The following SETDB2 variants were observed in gnomAD, a reference collection of about 807,000 sequenced individuals.
SETDB2 encodes the protein SET domain bifurcated histone lysine methyltransferase 2.
A neutral mutation model predicts 82.5 loss-of-function variants in SETDB2; 56 were observed. That is an observed-to-expected ratio of 0.68 (90% CI 0.55 to 0.85). The LOEUF (loss-of-function observed/expected upper bound fraction) is 0.85, where lower values mean the gene tolerates loss of function less well. Ranked by LOEUF, SETDB2 falls within the 40% of genes least tolerant of loss-of-function variation. The probability of loss-of-function intolerance (pLI) is 0.00; values close to 1 mark genes in which losing one functional copy is unlikely to be tolerated. For synonymous variants in SETDB2, 272 were observed against 284.9 expected, an observed-to-expected ratio of 0.95 and a Z score of 0.46; for missense variants, 677 against 816.4, an observed-to-expected ratio of 0.83 and a Z score of 2.08.
intron 2 of SETDB2, among the ~76,000 whole-genome samples, chr13:49,452,556 T>C (rs1278290725): frequency 6.6e-6 from 1 of 152,190 alleles, no homozygotes; most frequent in East Asian, 1.9e-4. Flanking sequence ...AATGAACCAA[T>C]ATTGGCACAT....
chr13:49,461,270 C>A, intron 4 of SETDB2, 108 bp downstream of exon 4: 1 of 709,136 alleles, frequency 1.4e-6, no homozygotes, highest in Non-Finnish European at 2.3e-6. Context: ...AAAATAAAAT[C>A]TAACATCCAC....
intron 5 of SETDB2, among the ~76,000 whole-genome samples, chr13:49,472,752 G>A (rs2138921223): frequency 6.6e-6 from 1 of 152,092 alleles, no homozygotes; most frequent in East Asian, 1.9e-4. Context: ...TCACACTAGT[G>A]TTTTATTTTT....
chr13:49,456,739 C>T (rs868319325), intron 2 of SETDB2, among the ~76,000 whole-genome samples: 2 of 152,080 alleles, frequency 1.3e-5, no homozygotes, highest in South Asian at 2.1e-4. Context: ...CCAAAGTCTC[C>T]CAGATGTTTC....
At chr13:49,465,562 G>C (rs532793399) in intron 4 of SETDB2, among the ~76,000 whole-genome samples, 3 of 150,102 alleles carry the variant, frequency 2.0e-5, no homozygotes, top group African/African-American at 7.4e-5. Flanking sequence ...TTGAGACGAA[G>C]TCTCACTCTT....
intron 5 of SETDB2, 74 bp downstream of exon 5, chr13:49,468,034 G>A: frequency 9.6e-7 from 1 of 1,041,128 alleles, no homozygotes. Flanking sequence ...CTTGACATTA[G>A]AATAGATGAA....
intron 6 of SETDB2, among the ~76,000 whole-genome samples, chr13:49,478,818 C>T (rs537071281): frequency 6.6e-6 from 1 of 152,064 alleles, no homozygotes; most frequent in East Asian, 1.9e-4. Flanking sequence ...CCCAGCTAGT[C>T]GGGAGTCTGA....
chr13:49,466,960 A>G (rs901105916), intron 4 of SETDB2, among the ~76,000 whole-genome samples: 2 of 152,076 alleles, frequency 1.3e-5, no homozygotes, highest in African/African-American at 4.8e-5. Flanking sequence ...TGGCTCAGCT[A>G]TCAGATTTTA....
chr13:49,482,614 A>G, intron 8 of SETDB2, 123 bp from the exon 9 acceptor site: 1 of 666,494 alleles, frequency 1.5e-6, no homozygotes, highest in Non-Finnish European at 2.5e-6. Flanking sequence ...AGGATGAGTT[A>G]ATGTGTTTAT....
chr13:49,484,069 A>G (rs1049798024), intron 10 of SETDB2, among the ~76,000 whole-genome samples: 2 of 152,166 alleles, frequency 1.3e-5, no homozygotes, highest in African/African-American at 4.8e-5. Context: ...TTTACTTAGT[A>G]TCATCCACGG....
intron 6 of SETDB2, among the ~76,000 whole-genome samples, chr13:49,477,455 TAA>T (rs2138945394): frequency 6.6e-6 from 1 of 151,748 alleles, no homozygotes; most frequent in African/African-American, 2.4e-5. Context: ...AAAATAAAAA[TAA>T]AAGAGTCTAC....
chr13:49,451,474 T>C (rs1566153435), intron 1 of SETDB2, 79 bp from the exon 2 acceptor site: 1 of 51,058 alleles, frequency 2.0e-5, no homozygotes, highest in East Asian at 4.7e-4. Context: ...TTTCCTTATA[T>C]ATACATATAT....
rs35468680 is a variant in SETDB2 at position 49,471,934 on chromosome 13, ATT to A, written c.305+3988_305+3989del. ...GTGACATATATATATATATATATAT[ATT>A]TTTTTTTTTTTTTAAATAGAGACAG... On this transcript the variant is annotated intron_variant, in intron 5 of 13. Coordinates refer to ENST00000611815, the MANE Select transcript of SETDB2 (RefSeq NM_001160308.3). 6.5e-4 allele frequency among the ~76,000 whole-genome samples: 77 copies of A among 119,248 alleles called. 1 individual carries two copies. Among genetic ancestry groups the A allele is most frequent in the African/African-American group, 2.2e-3 (61 of 27,770 alleles). The allele number at this position is 119,248 out of a possible 152,430, so 78.2% of individuals were successfully genotyped here. A position where few individuals can be genotyped will look rare whatever the true frequency, so the allele number is the denominator to read the frequency against.
rs144105203 is a variant in SETDB2 at position 49,475,747 on chromosome 13, C to T, written c.306-729C>T. Among the ~76,000 whole-genome samples the T allele has an allele frequency of 3.3e-5, 5 of 152,146 alleles. No individual in the cohort carries two copies. The East Asian group carries it at 9.7e-4, about 29-fold the overall frequency. ...AAGCAGTCCTTCCGTCTTGGCCTCT[C>T]AAAGTGCTGGGATTACAGTTGTGAG... On this transcript the variant is annotated intron_variant, in intron 5 of 13. Coordinates refer to ENST00000611815, the MANE Select transcript of SETDB2 (RefSeq NM_001160308.3).
At chr13:49,451,007 G>A (rs1046389305) in intron 1 of SETDB2, among the ~76,000 whole-genome samples, 18 of 150,942 alleles carry the variant, frequency 1.2e-4, no homozygotes, top group Admixed American at 9.9e-4. Flanking sequence ...TAATGTATGC[G>A]TTATTGACCA....
At chr13:49,459,079 A>G (rs1476350193) in intron 2 of SETDB2, among the ~76,000 whole-genome samples, 2 of 152,236 alleles carry the variant, frequency 1.3e-5, no homozygotes, top group Admixed American at 1.3e-4. Flanking sequence ...AAGTAAGCTT[A>G]GTCTTACATA....
At chr13:49,485,811 C>T (rs757442928) in intron 11 of SETDB2, 88 bp downstream of exon 11, 1 of 1,071,886 alleles carries the variant, frequency 9.3e-7, no homozygotes, top group South Asian at 1.2e-5. Context: ...TTCTTAGATT[C>T]CATAATAAAC....
At chr13:49,482,635 G>A (rs1440997219) in intron 8 of SETDB2, 102 bp from the exon 9 acceptor site, 10 of 749,758 alleles carry the variant, frequency 1.3e-5, no homozygotes, top group Non-Finnish European at 2.2e-5. Context: ...CTTCATTGTA[G>A]AATGTGTGGG....
intron 5 of SETDB2, among the ~76,000 whole-genome samples, chr13:49,469,930 A>AT (rs928333211): frequency 1.3e-5 from 2 of 151,682 alleles, no homozygotes; most frequent in African/African-American, 2.4e-5. Flanking sequence ...AGTTAACCTT[A>AT]TTTTTCTCCT....
intron 2 of SETDB2, among the ~76,000 whole-genome samples, chr13:49,456,725 G>A (rs1028845118): frequency 2.0e-5 from 3 of 152,146 alleles, no homozygotes; most frequent in African/African-American, 4.8e-5. Context: ...GTCTACAGTC[G>A]AAACCAAAGT....
Sources: allele counts gnomAD v4.1 joint callset (sites outside exome capture counted in the v4.1 genomes callset), GRCh38; gene constraint gnomAD v4.1.1; transcripts MANE v1.5; gene names NCBI Gene and HGNC (gene_info 2026-07-23, HGNC 2026-07-21).